Variants in GRB10 observed in about 807,000 individuals in gnomAD.
GRB10 encodes the protein growth factor receptor-bound protein 10.
A neutral mutation model predicts 80.9 loss-of-function variants in GRB10; 20 were observed. The observed-to-expected ratio is 0.25, with a 90% CI of 0.17 to 0.36. The LOEUF (loss-of-function observed/expected upper bound fraction) is 0.36, where lower values mean the gene tolerates loss of function less well. GRB10 is among the 10% of genes least tolerant of loss of function. The probability of loss-of-function intolerance (pLI) is 1.00; values close to 1 mark genes in which losing one functional copy is unlikely to be tolerated. For missense variants in GRB10, 548 were observed against 747.7 expected (o/e 0.73, Z 3.12); for synonymous variants, 291 against 291.5 (o/e 1.00, Z 0.02).
intron 7 of GRB10, among the ~76,000 whole-genome samples, chr7:50,666,229 C>T (rs1051075836): frequency 2.0e-5 from 3 of 152,222 alleles, no homozygotes; most frequent in African/African-American, 4.8e-5. Context: ...CTGTCACCAT[C>T]GTGCTAAGCT....
Position 50,674,662 on chromosome 7 carries a change from C to T in GRB10, c.140-4G>A, listed in dbSNP as rs762136113. ...GCTTCCAGGTCCACATCATCCTCTG[C>T]ACAGAAAAAGGCAAGAGCAAAAAAG... On this transcript the variant is annotated splice_region_variant and splice_polypyrimidine_tract_variant and intron_variant, in intron 5 of 18. Coordinates refer to ENST00000401949, the MANE Select transcript of GRB10 (RefSeq NM_001350814.2). 2 of 1,612,808 alleles carry T rather than the reference C, an allele frequency of 1.2e-6. No homozygotes were observed. Among genetic ancestry groups the T allele is most frequent in the Non-Finnish European group, 1.7e-6 (2 of 1,179,510 alleles).
intron 4 of GRB10, 91 bp from the exon 5 acceptor site, chr7:50,703,999 T>C (rs1280677475): frequency 1.2e-6 from 1 of 818,108 alleles, no homozygotes; most frequent in East Asian, 2.7e-5. Context: ...ATTTCCTTTC[T>C]TCCTCAATTC....
intron 3 of GRB10, among the ~76,000 whole-genome samples, chr7:50,753,875 G>A (rs987307374): frequency 2.0e-5 from 3 of 152,232 alleles, no homozygotes; most frequent in African/African-American, 4.8e-5. Context: ...GCCCAAGGCT[G>A]TCAGGTGATC....
intron 3 of GRB10, among the ~76,000 whole-genome samples, chr7:50,737,527 A>G (rs573959141): frequency 6.6e-6 from 1 of 152,312 alleles, no homozygotes; most frequent in East Asian, 1.9e-4. Flanking sequence ...TAAGTTACCT[A>G]GTCTCAGGTA....
chr7:50,604,231 G>T, intron 16 of GRB10, 80 bp downstream of exon 16: 1 of 1,360,146 alleles, frequency 7.4e-7, no homozygotes, highest in Non-Finnish European at 1.1e-6. Flanking sequence ...AGGCAAATTC[G>T]TAAGGCTGAG....
intron 17 of GRB10, 62 bp from the exon 18 acceptor site, chr7:50,595,592 CACACTCTCTT>C (rs2046486539): frequency 3.7e-6 from 3 of 813,258 alleles, no homozygotes; most frequent in South Asian, 2.7e-5. Flanking sequence ...ATCACACACA[CACACTCTCTT>C]ACACACACAC....
At chr7:50,647,104 G>C (rs1028885071) in intron 7 of GRB10, among the ~76,000 whole-genome samples, 2 of 152,140 alleles carry the variant, frequency 1.3e-5, no homozygotes, top group African/African-American at 4.8e-5. Context: ...TTCTCTCTTC[G>C]GACAGAAATC....
At chr7:50,702,312 C>T (rs2064357411) in intron 5 of GRB10, among the ~76,000 whole-genome samples, 1 of 152,246 alleles carries the variant, frequency 6.6e-6, no homozygotes, top group Admixed American at 6.5e-5. Flanking sequence ...GGCTCTGGCC[C>T]TGCTTCCCCA....
intron 17 of GRB10, among the ~76,000 whole-genome samples, chr7:50,603,368 C>T (rs1408888673): frequency 1.3e-5 from 2 of 152,188 alleles, no homozygotes; most frequent in East Asian, 1.9e-4. Flanking sequence ...TGTGATGGTA[C>T]GAGAATCTTG....
At chr7:50,746,700 A>G (rs750802993) in intron 3 of GRB10, among the ~76,000 whole-genome samples, 1 of 152,028 alleles carries the variant, frequency 6.6e-6, no homozygotes, top group Non-Finnish European at 1.5e-5. Context: ...TAAACCTCCC[A>G]TCCCCACCCT....
At chr7:50,668,601 A>G (rs2060048819) in intron 7 of GRB10, among the ~76,000 whole-genome samples, 1 of 152,220 alleles carries the variant, frequency 6.6e-6, no homozygotes, top group African/African-American at 2.4e-5. Context: ...AAATGAACAT[A>G]TAAATAAACA....
chr7:50,775,003 A>G (rs991568124), intron 2 of GRB10, among the ~76,000 whole-genome samples: 6 of 150,860 alleles, frequency 4.0e-5, no homozygotes, highest in Non-Finnish European at 5.9e-5. Context: ...AACAAAACAA[A>G]AAAAAAAACT....
At chr7:50,705,546 C>T (rs1346897521) in intron 4 of GRB10, among the ~76,000 whole-genome samples, 1 of 152,142 alleles carries the variant, frequency 6.6e-6, no homozygotes. Context: ...CAAAAACTAC[C>T]ATGTGCATCT....
intron 7 of GRB10, among the ~76,000 whole-genome samples, chr7:50,655,218 C>T (rs117200195): frequency 0.011 from 1,653 of 152,276 alleles, 14 homozygotes; most frequent in Middle Eastern, 0.041. Flanking sequence ...TCAGGAGCCA[C>T]ACAATGCTGC....
chr7:50,625,245 C>T (rs1233576623), intron 8 of GRB10, among the ~76,000 whole-genome samples: 3 of 152,010 alleles, frequency 2.0e-5, no homozygotes, highest in Admixed American at 2.0e-4. Flanking sequence ...CTGAGTGTGT[C>T]CAATTATATT....
intron 6 of GRB10, among the ~76,000 whole-genome samples, chr7:50,670,917 A>G (rs935803956): frequency 6.6e-6 from 1 of 152,154 alleles, no homozygotes; most frequent in Non-Finnish European, 1.5e-5. Context: ...CACCACCTCT[A>G]CTTTCCTGGC....
At chr7:50,694,144 C>T (rs368152256) in intron 5 of GRB10, among the ~76,000 whole-genome samples, 3 of 152,074 alleles carry the variant, frequency 2.0e-5, no homozygotes, top group Non-Finnish European at 2.9e-5. Flanking sequence ...GCCAACATGG[C>T]GAAACCCCGT....
intron 3 of GRB10, among the ~76,000 whole-genome samples, chr7:50,752,510 G>C (rs968286805): frequency 3.3e-5 from 5 of 152,152 alleles, no homozygotes; most frequent in Non-Finnish European, 7.3e-5. Context: ...CCTATAAATG[G>C]GAAAGAACCA....
chr7:50,702,715 A>G (rs2064420362), intron 5 of GRB10, among the ~76,000 whole-genome samples: 1 of 152,174 alleles, frequency 6.6e-6, no homozygotes. Context: ...TCTACACAGA[A>G]TGTGCTCCAC....
Sources: gnomAD v4.1 joint callset for allele counts (sites outside exome capture counted in the v4.1 genomes callset) on GRCh38, gnomAD v4.1.1 for gene constraint, MANE v1.5 for transcripts, NCBI Gene and HGNC (gene_info 2026-07-23, HGNC 2026-07-21) for gene names.